Variants in PYGB observed in about 807,000 individuals in gnomAD.
PYGB encodes glycogen phosphorylase B, also known as glycogen phosphorylase, brain form.
PYGB carries 82 observed loss-of-function variants against 94.3 expected under a neutral mutation model. The observed-to-expected ratio is 0.87, with a 90% CI of 0.73 to 1.04. The LOEUF (loss-of-function observed/expected upper bound fraction) is 1.04, where lower values mean the gene tolerates loss of function less well. Ranked by LOEUF, PYGB falls within the 50% of genes least tolerant of loss-of-function variation. The pLI, the probability that PYGB is intolerant of heterozygous loss-of-function variation, is 0.00. For synonymous variants in PYGB, 488 were observed against 479.1 expected (o/e 1.02, Z -0.24); for missense variants, 1,132 against 1,158.2 (o/e 0.98, Z 0.33).
intron 16 of PYGB, 38 bp downstream of exon 16, chr20:25,290,660 C>T: frequency 6.3e-7 from 1 of 1,584,838 alleles, no homozygotes; most frequent in Non-Finnish European, 8.7e-7. Context: ...AAAACTCACT[C>T]CTGCCGGGGA....
At chr20:25,288,626 T>A in intron 15 of PYGB, 143 bp downstream of exon 15, 3 of 920,042 alleles carry the variant, frequency 3.3e-6, no homozygotes, top group Non-Finnish European at 5.0e-6. Flanking sequence ...GGTATGCCTG[T>A]GGGGGTGGGG....
Position 25,275,509 on chromosome 20 carries a change from G to A in PYGB, c.660+786G>A, listed in dbSNP as rs1298065652. ...AGAGCCTGGAGGCTGGGTGGTCACT[G>A]GTGTGCAGAGGGAGTTGTCTTGACT... On this transcript the variant is annotated intron_variant, in intron 5 of 19. Transcript: ENST00000216962. Among the ~76,000 whole-genome samples, 8 of 152,372 alleles carry A rather than the reference G, an allele frequency of 5.3e-5. No individual in the cohort carries two copies. The East Asian group carries it at 1.4e-3, about 26-fold the overall frequency.
rs199794539 is a variant in PYGB at position 25,274,696 on chromosome 20, C to T, written c.633C>T (p.Pro211=). The change falls in exon 5 of 20, where the codon CCC becomes CCT. Residue 211 remains proline (P), a synonymous_variant. Coordinates refer to ENST00000216962, the MANE Select transcript of PYGB (RefSeq NM_002862.4). ...VHFYGRVEHT[P]DGVKWLDTQV... is the part of the protein sequence containing the mutation. ...TCTACGGACGCGTGGAGCACACCCC[C>T]GACGGCGTGAAGTGGCTGGACACAC... is the stretch of plus-strand genomic sequence containing the variant. The T allele has an allele frequency of 2.8e-5, 45 of 1,613,340 alleles. No individual in the cohort carries two copies. In the Middle Eastern group the frequency reaches 4.9e-4, roughly 18 times the overall value.
chr20:25,248,793 T>G (rs2092879114), intron 1 of PYGB, among the ~76,000 whole-genome samples: 1 of 152,256 alleles, frequency 6.6e-6, no homozygotes, highest in Non-Finnish European at 1.5e-5. Flanking sequence ...CTCTTTGTTT[T>G]CCTGCAGCAG....
intron 3 of PYGB, among the ~76,000 whole-genome samples, chr20:25,269,516 A>G (rs954586249): frequency 2.0e-5 from 3 of 152,214 alleles, no homozygotes; most frequent in Admixed American, 6.5e-5. Context: ...TGATTGGCAG[A>G]CAGCCCAAAG....
intron 16 of PYGB, 115 bp downstream of exon 16, chr20:25,290,737 C>G (rs773122601): frequency 4.2e-6 from 6 of 1,431,670 alleles, no homozygotes; most frequent in Non-Finnish European, 5.8e-6. Flanking sequence ...ACACCCAGAC[C>G]TAGCCAGCCG....
At chr20:25,269,254 GT>G in intron 3 of PYGB, 47 bp downstream of exon 3, 2 of 1,480,390 alleles carry the variant, frequency 1.4e-6, no homozygotes, top group Non-Finnish European at 1.9e-6. Flanking sequence ...CGTTGGCTTG[GT>G]TGGAGGCCAC....
At position 25,270,205 on chromosome 20, in the gene PYGB, T is replaced by G. The variant is rs1413812360; in HGVS notation, c.424+998T>G. ...TCCTGAAGTTTTTTTTGTTTTGTTTTGTTTTTTTTTTTTTTGAGATGGAGT... is the reference window on the plus strand; with the variant it reads ...TCCTGAAGTTTTTTTTGTTTTGTTTGGTTTTTTTTTTTTTTGAGATGGAGT... On this transcript the variant is annotated intron_variant, in intron 3 of 19. Transcript: ENST00000216962. Among the ~76,000 whole-genome samples, 490 of 132,600 alleles carry G rather than the reference T, an allele frequency of 3.7e-3. 10 individuals carry two copies. Among genetic ancestry groups the G allele is most frequent in the Non-Finnish European group, 4.7e-3 (304 of 64,890 alleles). 87.0% of individuals were successfully genotyped at this position (132,600 alleles called of 152,430 possible). A position where few individuals can be genotyped will look rare whatever the true frequency, so the allele number is the denominator to read the frequency against.
chr20:25,278,989 TA>T, intron 8 of PYGB, 67 bp from the exon 9 acceptor site: 1 of 1,476,732 alleles, frequency 6.8e-7, no homozygotes, highest in Non-Finnish European at 9.2e-7. Flanking sequence ...GGGAGCTTCG[TA>T]TGCCAACAAC....
chr20:25,282,605 G>A (rs976577637), intron 12 of PYGB, among the ~76,000 whole-genome samples: 1 of 152,258 alleles, frequency 6.6e-6, no homozygotes, highest in Non-Finnish European at 1.5e-5. Context: ...AGCCTTCCCA[G>A]GAAAGCTGAG....
chr20:25,281,609 C>T (rs1600735424), intron 11 of PYGB, among the ~76,000 whole-genome samples: 6 of 152,356 alleles, frequency 3.9e-5, no homozygotes, highest in African/African-American at 4.8e-5. Flanking sequence ...AGGCTGTGCC[C>T]GGGGCTGGGC....
intron 1 of PYGB, among the ~76,000 whole-genome samples, chr20:25,257,988 G>A (rs1040329324): frequency 6.6e-6 from 1 of 152,216 alleles, no homozygotes; most frequent in African/African-American, 2.4e-5. Flanking sequence ...AGCAGCAGTA[G>A]TTGTACTTAT....
intron 15 of PYGB, 32 bp from the exon 16 acceptor site, chr20:25,290,449 T>A: frequency 6.3e-7 from 1 of 1,593,274 alleles, no homozygotes; most frequent in Non-Finnish European, 8.6e-7. Flanking sequence ...CAAGGCATTT[T>A]TGTGCTAAAA....
At chr20:25,255,681 C>T (rs1811067965) in intron 1 of PYGB, among the ~76,000 whole-genome samples, 2 of 152,100 alleles carry the variant, frequency 1.3e-5, no homozygotes, top group Admixed American at 1.3e-4. Context: ...CGGTTTCAGA[C>T]CAGATCTGCC....
rs572592143 is a variant in PYGB at position 25,278,405 on chromosome 20, G to T, written c.942G>T (p.Ser314=). Residue 314 remains serine, a synonymous_variant, in exon 8 of 20, where the codon TCG becomes TCT. Transcript: ENST00000216962. The stretch of plus-strand genomic sequence containing the variant: ...AGGACATCATCCGCCGCTTCAAGTC[G>T]TCCAAGTTCGGCTGCCGGGACCCTG... The part of the protein sequence containing the change: ...TLQDIIRRFK[S]SKFGCRDPVR... 5 of 1,614,188 alleles carry T rather than the reference G, an allele frequency of 3.1e-6. No individual in the cohort carries two copies. The highest frequency in any genetic ancestry group is 4.2e-6 in the Non-Finnish European group (5 of 1,180,024).
intron 1 of PYGB, among the ~76,000 whole-genome samples, chr20:25,257,134 A>G (rs1172426441): frequency 6.6e-6 from 1 of 152,220 alleles, no homozygotes. Context: ...TTTCAGTTTC[A>G]TGGTTTTCAC....
Position 25,279,157 on chromosome 20 carries a change from T to C in PYGB, c.1092+8T>C. The C allele has an allele frequency of 1.2e-6, 2 of 1,613,096 alleles. No homozygotes were observed. The highest frequency in any genetic ancestry group is 1.7e-6 in the Non-Finnish European group (2 of 1,179,462). ...AAGGTGGACTGGGACAAGGTGAGCA[T>C]GGAGGAAAAGGGCGGCACCTCCCCA... On this transcript the variant is annotated splice_region_variant and intron_variant, in intron 9 of 19. Coordinates refer to ENST00000216962, the MANE Select transcript of PYGB (RefSeq NM_002862.4).
chr20:25,283,054 C>G, intron 12 of PYGB, 122 bp from the exon 13 acceptor site: 2 of 812,608 alleles, frequency 2.5e-6, no homozygotes, highest in Non-Finnish European at 2.0e-6. Flanking sequence ...CCGGAGGGGC[C>G]GGACAAGCAG....
intron 1 of PYGB, among the ~76,000 whole-genome samples, chr20:25,258,023 A>T (rs1357818872): frequency 6.6e-6 from 1 of 152,218 alleles, no homozygotes; most frequent in Admixed American, 6.5e-5. Flanking sequence ...CTCATTAATT[A>T]TGCTGCTGTA....
Sources: gnomAD v4.1 joint callset for allele counts (sites outside exome capture counted in the v4.1 genomes callset) on GRCh38, gnomAD v4.1.1 for gene constraint, MANE v1.5 for transcripts, NCBI Gene and HGNC (gene_info 2026-07-23, HGNC 2026-07-21) for gene names.